EHMT1: variants seen among roughly 807,000 people sequenced by gnomAD.
The protein encoded by EHMT1 is histone-lysine N-methyltransferase EHMT1.
Under a neutral mutation model 147.2 loss-of-function variants are expected in EHMT1, and 15 were observed. That is an observed-to-expected ratio of 0.10 (90% CI 0.07 to 0.16). The LOEUF (loss-of-function observed/expected upper bound fraction) is 0.16. Ranked by LOEUF, EHMT1 falls within the 10% of genes least tolerant of loss-of-function variation. EHMT1 has a pLI of 1.00. For missense variants in EHMT1, 1,587 were observed against 1,772.4 expected (o/e 0.90, Z 1.88); for synonymous variants, 795 against 709.6 (o/e 1.12, Z -1.91).
rs912233178 is a variant in EHMT1, at chr9:137,835,321, C to T, written c.*368C>T. 10 of 184,206 alleles carry T rather than the reference C, an allele frequency of 5.4e-5. No individual in the cohort carries two copies. The highest frequency in any genetic ancestry group is 9.9e-5 in the Non-Finnish European group (9 of 90,850). The allele number at this position is 184,206 out of a possible 1,614,324, so 11.4% of individuals were successfully genotyped here. On this transcript the variant is annotated 3_prime_UTR_variant, in exon 27 of 27. Transcript: ENST00000460843. ...AGGTCCCCGCTGCACCACGGGGTTG[C>T]TCTGTTCTCCTGTCCGGCCCAGACT...
At position 137,775,354 on chromosome 9, in the gene EHMT1, G is replaced by A; in HGVS notation, c.1791+102G>A. On this transcript the variant is annotated intron_variant, in intron 11 of 26. Transcript: ENST00000460843. The surrounding 1 kb of genome is among the most constrained non-coding windows in gnomAD (Gnocchi z 6.1). ...TGTCCACCTGCTGTCGGGTGGTCCAGCAGCTGGCCCAGGTCTGGTGTCCGT... is the reference window on the plus strand; with the variant it reads ...TGTCCACCTGCTGTCGGGTGGTCCAACAGCTGGCCCAGGTCTGGTGTCCGT... The A allele has an allele frequency of 2.0e-6, 3 of 1,521,854 alleles. No individual in the cohort carries two copies. Among genetic ancestry groups the A allele is most frequent in the Non-Finnish European group, 1.8e-6 (2 of 1,130,222 alleles). 94.3% of individuals were successfully genotyped at this position (1,521,854 alleles called of 1,614,324 possible).
chr9:137,749,116 A>G (rs551495420), intron 6 of EHMT1, among the ~76,000 whole-genome samples: 2 of 152,020 alleles, frequency 1.3e-5, no homozygotes, highest in East Asian at 3.9e-4. Flanking sequence ...CACCCCCAGG[A>G]CAGATGTGGG....
rs1487654571 is a variant in EHMT1 at position 137,718,174 on chromosome 9, C to T, written c.642+992C>T. Among the ~76,000 whole-genome samples, 6 of 151,160 alleles carry T rather than the reference C, an allele frequency of 4.0e-5. No homozygotes were observed. In the East Asian group the frequency reaches 9.6e-4, roughly 24 times the overall value. On this transcript the variant is annotated intron_variant, in intron 3 of 26. Transcript: ENST00000460843. Reference sequence around the variant, plus strand: ...CACGCACCGTGCTGATTTTCACACACAGGGCGCGCCCGCCCCTCACGCGCA... The same window carrying T: ...CACGCACCGTGCTGATTTTCACACATAGGGCGCGCCCGCCCCTCACGCGCA...
intron 6 of EHMT1, among the ~76,000 whole-genome samples, chr9:137,744,333 CT>C (rs988726301): frequency 6.8e-6 from 1 of 146,566 alleles, no homozygotes; most frequent in Non-Finnish European, 1.5e-5. Context: ...TTCTTTCTTT[CT>C]TTTTTTTGAG....
intron 1 of EHMT1, chr9:137,641,391 C>A: frequency 3.8e-6 from 2 of 525,460 alleles, no homozygotes; most frequent in Non-Finnish European, 7.6e-6. Context: ...TATTCTGTAA[C>A]CTGATTTAAT....
At chr9:137,662,663 C>A (rs1939201418) in intron 1 of EHMT1, among the ~76,000 whole-genome samples, 1 of 152,032 alleles carries the variant, frequency 6.6e-6, no homozygotes, top group Non-Finnish European at 1.5e-5. Flanking sequence ...CCACACTGGG[C>A]TAATTTTTTG....
At chr9:137,789,875 G>T (rs1288975239) in intron 15 of EHMT1, among the ~76,000 whole-genome samples, 1 of 152,170 alleles carries the variant, frequency 6.6e-6, no homozygotes, top group Non-Finnish European at 1.5e-5. Flanking sequence ...GATTACAGGC[G>T]CCAGGCACCA....
chr9:137,706,550 G>C (rs1489839027), intron 1 of EHMT1, among the ~76,000 whole-genome samples: 2 of 152,234 alleles, frequency 1.3e-5, no homozygotes, highest in Non-Finnish European at 2.9e-5. Flanking sequence ...GCAGTGGCGT[G>C]ATCTCGGCTC....
At chr9:137,807,757 C>G (rs1358638507) in intron 18 of EHMT1, among the ~76,000 whole-genome samples, 2 of 152,198 alleles carry the variant, frequency 1.3e-5, no homozygotes, top group African/African-American at 2.4e-5. Flanking sequence ...ATTCCCCCGC[C>G]AAGGTCTCCC....
intron 1 of EHMT1, among the ~76,000 whole-genome samples, chr9:137,677,635 C>T (rs895290501): frequency 6.6e-6 from 1 of 151,968 alleles, no homozygotes; most frequent in African/African-American, 2.4e-5. Context: ...TCGTGTTAGC[C>T]AGGACTAGGC....
intron 1 of EHMT1, among the ~76,000 whole-genome samples, chr9:137,620,418 A>T (rs146727946): frequency 1.3e-4 from 19 of 151,878 alleles, no homozygotes; most frequent in Admixed American, 5.3e-4. Flanking sequence ...ATTATTATTT[A>T]TTATTATTAT....
At chr9:137,827,361 G>A (rs1032840734) in intron 25 of EHMT1, among the ~76,000 whole-genome samples, 4 of 152,092 alleles carry the variant, frequency 2.6e-5, no homozygotes, top group African/African-American at 7.2e-5. Flanking sequence ...GCCCAGGTAC[G>A]GTTCTTGTTC....
chr9:137,674,432 C>T (rs1564569948), intron 1 of EHMT1, among the ~76,000 whole-genome samples: 1 of 152,214 alleles, frequency 6.6e-6, no homozygotes, highest in Non-Finnish European at 1.5e-5. Flanking sequence ...CCACACTCTG[C>T]AGGCTGACGG....
chr9:137,619,083 GGCGGCGGGCA>G lies in EHMT1; in HGVS notation c.21+42_21+51del, dbSNP rs888511062. The G allele has an allele frequency of 1.2e-5, 9 of 780,568 alleles. No homozygotes were observed. In the East Asian group the frequency reaches 6.4e-4, roughly 56 times the overall value. 48.4% of individuals were successfully genotyped at this position (780,568 alleles called of 1,614,324 possible). A position where few individuals can be genotyped will look rare whatever the true frequency, so the allele number is the denominator to read the frequency against. On this transcript the variant is annotated intron_variant, in intron 1 of 26. Coordinates refer to ENST00000460843, the MANE Select transcript of EHMT1 (RefSeq NM_024757.5). The stretch of plus-strand genomic sequence containing the variant: ...CGGGGCCGGCGGGGGGCGGCGCGGG[GGCGGCGGGCA>G]GCGGCGGAGGCGGCGCGGGGGCGAA...
chr9:137,706,187 C>T lies in EHMT1; in HGVS notation c.22-4780C>T, dbSNP rs775232928. Among the ~76,000 whole-genome samples, 18 of 152,096 alleles carry T rather than the reference C, an allele frequency of 1.2e-4. No homozygotes were observed. The South Asian group carries it at 1.2e-3, about 11-fold the overall frequency. ...GGGGTTGGCGAGTCCTGGACCATCC[C>T]GGGGAGTTGTAGGTTGGGGCTCCTG... is the stretch of plus-strand genomic sequence containing the variant. On this transcript the variant is annotated intron_variant, in intron 1 of 26. Transcript: ENST00000460843.
At chr9:137,669,920 G>A (rs138987690) in intron 1 of EHMT1, among the ~76,000 whole-genome samples, 2 of 152,008 alleles carry the variant, frequency 1.3e-5, no homozygotes, top group African/African-American at 4.8e-5. Flanking sequence ...GCGTAATCTC[G>A]GCTCTCTGCA....
chr9:137,695,802 A>AC (rs1943354813), intron 1 of EHMT1, among the ~76,000 whole-genome samples: 1 of 152,204 alleles, frequency 6.6e-6, no homozygotes, highest in African/African-American at 2.4e-5. Flanking sequence ...CTTCAGGTCC[A>AC]CCCAGGCAAA....
At chr9:137,626,652 T>C (rs1843278298) in intron 1 of EHMT1, among the ~76,000 whole-genome samples, 1 of 152,178 alleles carries the variant, frequency 6.6e-6, no homozygotes, top group Admixed American at 6.6e-5. Context: ...TGTCTCATTG[T>C]CTTTGGCCAT....
At chr9:137,784,332 G>T (rs989881406) in intron 15 of EHMT1, 100 of 1,301,948 alleles carry the variant, frequency 7.7e-5, no homozygotes, top group Non-Finnish European at 9.6e-5. Context: ...CCTCTTAAAG[G>T]CCCAGCCTCA....
Sources: allele counts gnomAD v4.1 joint callset (sites outside exome capture counted in the v4.1 genomes callset), GRCh38; gene constraint gnomAD v4.1.1; non-coding constraint Gnocchi (gnomAD v3.1); transcripts MANE v1.5; gene names NCBI Gene and HGNC (gene_info 2026-07-23, HGNC 2026-07-21).